Variants in DSCAML1 observed in about 807,000 individuals in gnomAD.
DSCAML1 encodes DS cell adhesion molecule like 1.
DSCAML1 carries 38 observed loss-of-function variants against 200.5 expected under a neutral mutation model. The ratio of observed to expected loss-of-function variants is 0.19; its 90% CI spans 0.15 to 0.25. DSCAML1 has a LOEUF of 0.25. DSCAML1 is among the 10% of genes least tolerant of loss of function. DSCAML1 has a pLI of 1.00. For synonymous variants in DSCAML1, 1,215 were observed against 1,165.0 expected, an observed-to-expected ratio of 1.04 and a Z score of -0.87; for missense variants, 2,223 against 2,858.8, an observed-to-expected ratio of 0.78 and a Z score of 5.07.
intron 3 of DSCAML1, among the ~76,000 whole-genome samples, chr11:117,559,947 G>C (rs1034010639): frequency 2.0e-5 from 3 of 152,086 alleles, no homozygotes; most frequent in Admixed American, 6.5e-5. Flanking sequence ...GAAGCCAAAG[G>C]GGGAAAGTCC....
rs115392256 is a variant in DSCAML1 at position 117,578,670 on chromosome 11, A to G, written c.512-46148T>C. 8.4e-3 allele frequency among the ~76,000 whole-genome samples: 1,278 copies of G among 152,234 alleles called. 22 individuals are homozygous for G. The highest frequency in any genetic ancestry group is 0.029 in the African/African-American group (1,213 of 41,504). On this transcript the variant is annotated intron_variant, in intron 3 of 32. Coordinates refer to ENST00000651296, the MANE Select transcript of DSCAML1 (RefSeq NM_020693.4). ...GGGAAACAGAGCAAGATGTGGTCTC[A>G]AAAATCAATAAAAAATATAAATATA...
At chr11:117,744,656 C>T (rs12291096) in intron 3 of DSCAML1, among the ~76,000 whole-genome samples, 15,829 of 152,274 alleles carry the variant, frequency 0.1, 1,697 homozygotes, top group African/African-American at 0.27. Flanking sequence ...GCCAGAGCCC[C>T]GGGGGGCAAA....
chr11:117,439,432 G>A lies in DSCAML1; in HGVS notation c.3981-3C>T. 1 of 1,611,332 alleles carries A rather than the reference G, an allele frequency of 6.2e-7. No individual in the cohort carries two copies. The highest frequency in any genetic ancestry group is 8.5e-7 in the Non-Finnish European group (1 of 1,179,202). On this transcript the variant is annotated splice_polypyrimidine_tract_variant and splice_region_variant and intron_variant, in intron 22 of 32. Transcript: ENST00000651296. ...ACACTGGAATGGCCGAGTCTTCACT[G>A]CCAGGGGCGAGGATGGGGCGGGTGG...
chr11:117,743,896 C>G (rs1231469441), intron 3 of DSCAML1, among the ~76,000 whole-genome samples: 1 of 152,194 alleles, frequency 6.6e-6, no homozygotes, highest in Non-Finnish European at 1.5e-5. Flanking sequence ...GAAAACTCGT[C>G]TATAAACTCT....
In DSCAML1 at chr11:117,597,615, TTTG is replaced by T. The variant is rs545559908; in HGVS notation, c.512-65096_512-65094del. 5.3e-5 allele frequency among the ~76,000 whole-genome samples: 8 copies of T among 152,160 alleles called. 1 individual carries two copies. The South Asian group carries it at 1.5e-3, about 28-fold the overall frequency. ...AGGCGTGCATCACCACATCCAGCTATTTGTTGTTGTTGTTGTTTTTAGTAGAGA... is the reference window on the plus strand; with the variant it reads ...AGGCGTGCATCACCACATCCAGCTATTTGTTGTTGTTGTTTTTAGTAGAGA... On this transcript the variant is annotated intron_variant, in intron 3 of 32. Transcript: ENST00000651296.
At chr11:117,641,697 T>C (rs2052411524) in intron 3 of DSCAML1, among the ~76,000 whole-genome samples, 1 of 152,084 alleles carries the variant, frequency 6.6e-6, no homozygotes, top group Admixed American at 6.5e-5. Context: ...CACTCACAAC[T>C]GCACCCCCAC....
chr11:117,709,665 C>T, intron 3 of DSCAML1: 1 of 455,346 alleles, frequency 2.2e-6, no homozygotes, highest in Non-Finnish European at 4.4e-6. Flanking sequence ...CACCCCAACT[C>T]CCACCTCCAG....
intron 3 of DSCAML1, among the ~76,000 whole-genome samples, chr11:117,702,800 G>A (rs1286678519): frequency 6.6e-6 from 1 of 152,158 alleles, no homozygotes; most frequent in Non-Finnish European, 1.5e-5. Flanking sequence ...AACATCAACA[G>A]TAGTTCTAAT....
intron 3 of DSCAML1, among the ~76,000 whole-genome samples, chr11:117,743,602 C>T (rs377750918): frequency 1.5e-4 from 23 of 152,316 alleles, no homozygotes; most frequent in Non-Finnish European, 2.5e-4. Flanking sequence ...GGGCTCCAGG[C>T]CCAGTTCCCC....
At chr11:117,620,957 G>C (rs2137549795) in intron 3 of DSCAML1, among the ~76,000 whole-genome samples, 1 of 152,326 alleles carries the variant, frequency 6.6e-6, no homozygotes, top group African/African-American at 2.4e-5. Flanking sequence ...GGCATACATA[G>C]TAGATACTTA....
intron 4 of DSCAML1, among the ~76,000 whole-genome samples, chr11:117,526,027 C>T (rs757925523): frequency 2.6e-5 from 4 of 152,326 alleles, no homozygotes; most frequent in Middle Eastern, 3.4e-3. Context: ...CCAGCAACTA[C>T]GAGACCTGTG....
intron 1 of DSCAML1, among the ~76,000 whole-genome samples, chr11:117,791,744 T>C (rs2055471301): frequency 6.6e-6 from 1 of 152,230 alleles, no homozygotes; most frequent in Admixed American, 6.5e-5. Flanking sequence ...CTAAGCCAAC[T>C]GGCTTGGCCA....
chr11:117,474,440 C>T (rs1418640932), intron 14 of DSCAML1, among the ~76,000 whole-genome samples: 1 of 152,206 alleles, frequency 6.6e-6, no homozygotes, highest in African/African-American at 2.4e-5. Context: ...TCTCTCTTGC[C>T]ATGCACTTTC....
At chr11:117,590,399 A>G (rs976194716) in intron 3 of DSCAML1, among the ~76,000 whole-genome samples, 1 of 150,720 alleles carries the variant, frequency 6.6e-6, no homozygotes, top group Admixed American at 6.6e-5. Flanking sequence ...TCCATGCACC[A>G]CCTAGAATTG....
intron 3 of DSCAML1, among the ~76,000 whole-genome samples, chr11:117,583,434 G>A (rs771777361): frequency 1.8e-4 from 27 of 152,110 alleles, no homozygotes; most frequent in Non-Finnish European, 2.4e-4. Flanking sequence ...ATCTCGCTCC[G>A]CAAGAATCCC....
At chr11:117,688,478 AG>A (rs1389194669) in intron 3 of DSCAML1, among the ~76,000 whole-genome samples, 1 of 152,222 alleles carries the variant, frequency 6.6e-6, no homozygotes, top group African/African-American at 2.4e-5. Flanking sequence ...AACATCATCC[AG>A]GCAGGGAGAA....
In DSCAML1 at chr11:117,504,911, G is replaced by A. The variant is rs2049463290; in HGVS notation, c.2182+13C>T. On this transcript the variant is annotated intron_variant, in intron 10 of 32. Coordinates refer to ENST00000651296, the MANE Select transcript of DSCAML1 (RefSeq NM_020693.4). This position sits in a 1 kb window ranked among gnomAD's most constrained non-coding sequence, Gnocchi z 5.0. ...TGCCCTTCTTGGAGATTCTGGCTGG[G>A]CCAGGGGCTTACCCTTGGCATGCTT... 6.3e-7 allele frequency: 1 copy of A among 1,598,084 alleles called. No homozygotes were observed.
In DSCAML1 at chr11:117,481,268, G is replaced by A; in HGVS notation, c.2562C>T (p.Leu854=). 6.2e-7 allele frequency: 1 copy of A among 1,613,710 alleles called. No homozygotes were observed. The highest frequency in any genetic ancestry group is 2.2e-5 in the East Asian group (1 of 44,818). The change falls in exon 13 of 33, where the codon CTC becomes CTT. Residue 854 remains leucine, a splice_region_variant and synonymous_variant. Coordinates refer to ENST00000651296, the MANE Select transcript of DSCAML1 (RefSeq NM_020693.4). ...CAGAGTCCCCACGGTCAGCGGGCTT[G>A]AGCTGGGAGACCACCAGCAGGGGCA... ...NGDEVVSTLK[L]KPADRGDSVF...
Position 117,432,404 on chromosome 11 carries a change from G to A in DSCAML1, c.5127C>T (p.Leu1709=), listed in dbSNP as rs1016376701. Residue 1709 remains leucine (L), a synonymous_variant, in exon 30 of 33, where the codon CTC becomes CTT. Transcript: ENST00000651296. The stretch of plus-strand genomic sequence containing the variant: ...CGATGAGGGGTCCTGTGCTCTGGAT[G>A]AGGGTTGGGTGGTGCAAGGAGACGC... The part of the protein sequence containing the change: ...CTGVSLHHPT[L]IQSTGPLIDM... The A allele has an allele frequency of 1.2e-6, 2 of 1,614,172 alleles. No homozygotes were observed. The highest frequency in any genetic ancestry group is 1.7e-6 in the Non-Finnish European group (2 of 1,180,034).
Sources: gnomAD v4.1 joint callset for allele counts (sites outside exome capture counted in the v4.1 genomes callset) on GRCh38, gnomAD v4.1.1 for gene constraint, Gnocchi (gnomAD v3.1) non-coding constraint, MANE v1.5 for transcripts, NCBI Gene and HGNC (gene_info 2026-07-23, HGNC 2026-07-21) for gene names.